The following TMEM38B variants were observed in gnomAD, a reference collection of about 807,000 sequenced individuals.
TMEM38B encodes the protein transmembrane protein 38B, also known as trimeric intracellular cation channel type B.
Under a neutral mutation model 28.7 loss-of-function variants are expected in TMEM38B, and 24 were observed. The ratio of observed to expected loss-of-function variants is 0.84; its 90% CI spans 0.61 to 1.18. The LOEUF (loss-of-function observed/expected upper bound fraction) is 1.18, where lower values mean the gene tolerates loss of function less well. TMEM38B is among the 50% of genes most tolerant of loss of function. TMEM38B has a pLI of 0.00. For missense variants in TMEM38B, 380 were observed against 350.9 expected (o/e 1.08, Z -0.66); for synonymous variants, 131 against 127.7 (o/e 1.03, Z -0.17).
chr9:105,703,817 C>A (rs957761783), intron 1 of TMEM38B, among the ~76,000 whole-genome samples: 4 of 152,076 alleles, frequency 2.6e-5, no homozygotes, highest in African/African-American at 9.7e-5. Context: ...AGCATTTTTT[C>A]ATGTGTTTTT....
chr9:105,744,102 A>G (rs944812119), intron 4 of TMEM38B, among the ~76,000 whole-genome samples: 151 of 152,210 alleles, frequency 9.9e-4, no homozygotes, highest in African/African-American at 2.4e-3. Context: ...AATAAATACC[A>G]AAACCATGGG....
chr9:105,761,981 G>T (rs1838068589), intron 5 of TMEM38B, among the ~76,000 whole-genome samples: 1 of 152,048 alleles, frequency 6.6e-6, no homozygotes. Flanking sequence ...TCAGGTTTCT[G>T]CTTGATCGAC....
chr9:105,771,513 A>AT (rs1317733290), intron 5 of TMEM38B, among the ~76,000 whole-genome samples: 1 of 152,126 alleles, frequency 6.6e-6, no homozygotes, highest in Admixed American at 6.6e-5. Flanking sequence ...TCTCTTTTGG[A>AT]TTTTGTAAAA....
rs12237861 is a variant in TMEM38B, at chr9:105,775,421, C to G, written c.*1341C>G. On this transcript the variant is annotated 3_prime_UTR_variant, in exon 6 of 6. Coordinates refer to ENST00000374692, the MANE Select transcript of TMEM38B (RefSeq NM_018112.3). ...AGTTTCTTTTACCAAAACCATGAAC[C>G]TACTCCCCGTATCAGGTATTTTCGA... is the stretch of plus-strand genomic sequence containing the variant. 1.2e-4 allele frequency: 19 copies of G among 152,154 alleles called. No homozygotes were observed. Among genetic ancestry groups the G allele is most frequent in the African/African-American group, 4.3e-4 (18 of 41,550 alleles). The allele number at this position is 152,154 out of a possible 1,614,324, so 9.4% of individuals were successfully genotyped here.
At position 105,721,715 on chromosome 9, in the gene TMEM38B, G is replaced by A. The variant is rs762948405; in HGVS notation, c.448G>A (p.Ala150Thr). 6.2e-7 allele frequency: 1 copy of A among 1,609,172 alleles called. No individual in the cohort carries two copies. The highest frequency in any genetic ancestry group is 1.1e-5 in the South Asian group (1 of 90,278). The change falls in exon 3 of 6, where the codon GCC becomes ACC. Residue 150 changes from alanine (A) to threonine (T), a missense_variant. Ala to Thr is a moderately conservative substitution (Grantham distance 58). Transcript: ENST00000374692. ...GATAGTCATGATAGCTATTGGATGGGCCCGAGGTAATATTGACAATATGTG... is the reference window on the plus strand; with the variant it reads ...GATAGTCATGATAGCTATTGGATGGACCCGAGGTAATATTGACAATATGTG... ...GWIVMIAIGW[A>T]RGAGGTIITN...
At chr9:105,760,148 C>T (rs1837987464) in intron 5 of TMEM38B, 3 of 879,862 alleles carry the variant, frequency 3.4e-6, no homozygotes, top group Admixed American at 1.8e-5. Flanking sequence ...TTACTTCCGC[C>T]ACCAAATTGT....
intron 4 of TMEM38B, among the ~76,000 whole-genome samples, chr9:105,734,146 T>C (rs1836880220): frequency 1.3e-5 from 2 of 152,180 alleles, no homozygotes; most frequent in African/African-American, 4.8e-5. Flanking sequence ...TTATTTCCAT[T>C]GTCATTTGTT....
In TMEM38B at chr9:105,722,082, G is replaced by GT. The variant is rs565319521; in HGVS notation, c.454+368dup. Among the ~76,000 whole-genome samples the GT allele has an allele frequency of 2.0e-4, 31 of 152,084 alleles. No individual in the cohort carries two copies. In the South Asian group the frequency reaches 6.2e-3, roughly 31 times the overall value. On this transcript the variant is annotated intron_variant, in intron 3 of 5. Transcript: ENST00000374692. ...AAAAATATTGCTCTGTCTTTTCTGT[G>GT]TTTTTTTCATTCAGAATTACTAGAA...
chr9:105,742,900 T>C (rs1173144447), intron 4 of TMEM38B, among the ~76,000 whole-genome samples: 1 of 152,240 alleles, frequency 6.6e-6, no homozygotes, highest in East Asian at 1.9e-4. Context: ...TCCAAATTAA[T>C]TGATAACCAT....
At chr9:105,716,477 C>T (rs1836102350) in intron 2 of TMEM38B, among the ~76,000 whole-genome samples, 1 of 151,994 alleles carries the variant, frequency 6.6e-6, no homozygotes, top group Non-Finnish European at 1.5e-5. Flanking sequence ...CATCAGTTGC[C>T]ACCTTGTTGC....
At chr9:105,733,717 T>C (rs956294140) in intron 4 of TMEM38B, among the ~76,000 whole-genome samples, 1 of 152,052 alleles carries the variant, frequency 6.6e-6, no homozygotes, top group Non-Finnish European at 1.5e-5. Context: ...TTTTAAGGAA[T>C]TTATTCACTT....
chr9:105,760,368 A>G (rs1309113459), intron 5 of TMEM38B: 8 of 763,328 alleles, frequency 1.0e-5, no homozygotes, highest in East Asian at 9.8e-5. Context: ...AAATTCTTCA[A>G]GTACCAACTT....
At chr9:105,711,784 C>T (rs1043940001) in intron 2 of TMEM38B, among the ~76,000 whole-genome samples, 1 of 149,688 alleles carries the variant, frequency 6.7e-6, no homozygotes, top group African/African-American at 2.5e-5. Context: ...TGCACCACTG[C>T]ACTCCAGCCT....
intron 4 of TMEM38B, among the ~76,000 whole-genome samples, chr9:105,729,754 T>G (rs927746771): frequency 6.6e-6 from 1 of 152,066 alleles, no homozygotes; most frequent in Non-Finnish European, 1.5e-5. Context: ...TCTTTTATTT[T>G]GTTGAGCAGT....
intron 2 of TMEM38B, among the ~76,000 whole-genome samples, chr9:105,706,825 T>G (rs978783970): frequency 2.6e-5 from 4 of 152,114 alleles, no homozygotes. Flanking sequence ...TTTTTTTTTT[T>G]TCTTTTTAAC....
At chr9:105,733,761 G>T (rs904679364) in intron 4 of TMEM38B, among the ~76,000 whole-genome samples, 7 of 151,852 alleles carry the variant, frequency 4.6e-5, no homozygotes, top group African/African-American at 1.7e-4. Context: ...GCATATAATT[G>T]TTCATAGTAG....
At chr9:105,724,186 T>A (rs548921101) in intron 4 of TMEM38B, among the ~76,000 whole-genome samples, 1 of 152,218 alleles carries the variant, frequency 6.6e-6, no homozygotes, top group African/African-American at 2.4e-5. Flanking sequence ...TACCTAAAAA[T>A]GAGGTAGAGA....
chr9:105,754,374 A>G (rs1298328797), intron 5 of TMEM38B, among the ~76,000 whole-genome samples: 1 of 152,226 alleles, frequency 6.6e-6, no homozygotes, highest in East Asian at 1.9e-4. Flanking sequence ...AAAACTGACC[A>G]CATAATTGGA....
chr9:105,715,973 T>A (rs1588407600), intron 2 of TMEM38B, among the ~76,000 whole-genome samples: 1 of 152,234 alleles, frequency 6.6e-6, no homozygotes, highest in Non-Finnish European at 1.5e-5. Flanking sequence ...TTATATGAAA[T>A]TGGCTTTCAT....
Sources: gnomAD v4.1 joint callset for allele counts (sites outside exome capture counted in the v4.1 genomes callset) on GRCh38, gnomAD v4.1.1 for gene constraint, MANE v1.5 for transcripts, NCBI Gene and HGNC (gene_info 2026-07-23, HGNC 2026-07-21) for gene names.